The following GRIP1 variants were observed in gnomAD, a reference collection of about 807,000 sequenced individuals.
GRIP1 encodes glutamate receptor interacting protein 1, also known as glutamate receptor-interacting protein 1.
GRIP1 carries 45 observed loss-of-function variants against 129.9 expected under a neutral mutation model. The ratio of observed to expected loss-of-function variants is 0.35; its 90% CI spans 0.27 to 0.44. GRIP1 has a LOEUF of 0.44. Among genes scored for constraint, GRIP1 ranks in the 20% least tolerant of loss-of-function variants. GRIP1 has a pLI of 1.00. For missense variants in GRIP1, 1,196 were observed against 1,396.8 expected (o/e 0.86, Z 2.29); for synonymous variants, 530 against 520.8 (o/e 1.02, Z -0.24).
At chr12:66,708,783 T>TA (rs11404973) in intron 1 of GRIP1, among the ~76,000 whole-genome samples, 59,765 of 151,616 alleles carry the variant, frequency 0.39, 12,153 homozygotes, top group South Asian at 0.52. Context: ...ACCCATCACT[T>TA]ACATTTTAAA....
In GRIP1 at chr12:66,812,227, G is replaced by A. The variant is rs542558250; in HGVS notation, c.59-215300C>T. Among the ~76,000 whole-genome samples, 10 of 152,198 alleles carry A rather than the reference G, an allele frequency of 6.6e-5. No homozygotes were observed. In the South Asian group the frequency reaches 8.3e-4, roughly 13 times the overall value. On this transcript the variant is annotated intron_variant, in intron 1 of 1. Transcript: ENST00000643019. ...TGGCTCACTGCAACTTCCACTTCCC[G>A]GGTTCAAGCAATTCTCCAGCCTCAG...
intron 1 of GRIP1, among the ~76,000 whole-genome samples, chr12:66,718,674 A>C (rs2035966343): frequency 6.6e-6 from 1 of 152,028 alleles, no homozygotes; most frequent in Admixed American, 6.6e-5. Context: ...AACATAGTGA[A>C]ACCCCATCTC....
intron 1 of GRIP1, among the ~76,000 whole-genome samples, chr12:66,789,462 G>C (rs2038458180): frequency 6.6e-6 from 1 of 152,036 alleles, no homozygotes; most frequent in South Asian, 2.1e-4. Context: ...TTATAAGATG[G>C]CTAGAAAGAC....
chr12:66,821,174 A>G (rs570738933), intron 1 of GRIP1, among the ~76,000 whole-genome samples: 28 of 152,328 alleles, frequency 1.8e-4, no homozygotes, highest in South Asian at 1.2e-3. Context: ...ACTCCAAAAT[A>G]TAAATTCTAT....
At chr12:67,026,548 G>A (rs777060583) in intron 1 of GRIP1, among the ~76,000 whole-genome samples, 4 of 152,164 alleles carry the variant, frequency 2.6e-5, no homozygotes, top group Non-Finnish European at 4.4e-5. Context: ...ATCAATAAAT[G>A]TTAGCTCCTG....
intron 7 of GRIP1, among the ~76,000 whole-genome samples, chr12:66,481,151 T>A (rs1384541731): frequency 6.7e-6 from 1 of 148,888 alleles, no homozygotes; most frequent in Admixed American, 6.7e-5. Context: ...ATCATCAGAG[T>A]GAAGAGGCAA....
At position 66,726,508 on chromosome 12, in the gene GRIP1, C is replaced by A. The variant is rs573199678; in HGVS notation, c.-420+77545G>T. Among the ~76,000 whole-genome samples, 336 of 152,180 alleles carry A rather than the reference C, an allele frequency of 2.2e-3. 1 individual carries two copies. The highest frequency in any genetic ancestry group is 7.6e-3 in the African/African-American group (316 of 41,530). On this transcript the variant is annotated intron_variant, in intron 1 of 4. Transcript: ENST00000538373. ...AACAAAACAAACACAACAACAACAA[C>A]AAAAAACAAACAACTTTAATTCTTG... is the stretch of plus-strand genomic sequence containing the variant.
intron 1 of GRIP1, among the ~76,000 whole-genome samples, chr12:67,035,021 C>T (rs1365174084): frequency 6.6e-6 from 1 of 152,192 alleles, no homozygotes; most frequent in Non-Finnish European, 1.5e-5. Flanking sequence ...CATGTGATAA[C>T]AACATGACCC....
At chr12:66,772,880 A>T (rs1292554235) in intron 1 of GRIP1, among the ~76,000 whole-genome samples, 1 of 152,198 alleles carries the variant, frequency 6.6e-6, no homozygotes, top group Non-Finnish European at 1.5e-5. Flanking sequence ...GCCTGAGCAC[A>T]AGCTGGTAGC....
intron 1 of GRIP1, among the ~76,000 whole-genome samples, chr12:66,660,979 T>C (rs1298526281): frequency 2.0e-5 from 3 of 152,074 alleles, no homozygotes; most frequent in Non-Finnish European, 4.4e-5. Flanking sequence ...TTCTAGGATA[T>C]AAATAGTTAT....
At chr12:66,764,356 C>G (rs1337581252) in intron 1 of GRIP1, among the ~76,000 whole-genome samples, 1 of 152,184 alleles carries the variant, frequency 6.6e-6, no homozygotes, top group East Asian at 1.9e-4. Context: ...TGGATCATCA[C>G]GTTCATATCA....
chr12:66,377,713 G>C (rs1346130493), intron 20 of GRIP1, among the ~76,000 whole-genome samples: 2 of 148,858 alleles, frequency 1.3e-5, no homozygotes, highest in African/African-American at 2.5e-5. Context: ...AGTCATTTTG[G>C]ATCTGGCTTT....
At chr12:66,676,780 G>A (rs1284461085) in intron 1 of GRIP1, among the ~76,000 whole-genome samples, 1 of 152,092 alleles carries the variant, frequency 6.6e-6, no homozygotes, top group Non-Finnish European at 1.5e-5. Flanking sequence ...GACCCTAAAA[G>A]AAAGGTCATT....
intron 1 of GRIP1, among the ~76,000 whole-genome samples, chr12:66,605,966 A>G (rs1407499452): frequency 6.6e-6 from 1 of 152,180 alleles, no homozygotes; most frequent in African/African-American, 2.4e-5. Flanking sequence ...TTTGGAGCTA[A>G]GAGCACAGAT....
chr12:66,554,856 G>T (rs2062268222), intron 2 of GRIP1, among the ~76,000 whole-genome samples: 1 of 152,088 alleles, frequency 6.6e-6, no homozygotes, highest in Admixed American at 6.6e-5. Context: ...TTGTGCTTTG[G>T]GTACCAGTTC....
chr12:67,051,555 G>C (rs776218628), intron 1 of GRIP1, among the ~76,000 whole-genome samples: 20 of 152,194 alleles, frequency 1.3e-4, no homozygotes, highest in Non-Finnish European at 2.6e-4. Context: ...CCAGGAAGGG[G>C]TTCCCTGTAT....
intron 2 of GRIP1, chr12:66,568,953 A>T: frequency 1.9e-6 from 1 of 521,202 alleles, no homozygotes. Flanking sequence ...GTTCCCAGGG[A>T]CTAGGTTGAT....
At chr12:66,431,360 G>T (rs1311908503) in intron 14 of GRIP1, among the ~76,000 whole-genome samples, 1 of 152,054 alleles carries the variant, frequency 6.6e-6, no homozygotes, top group Non-Finnish European at 1.5e-5. Flanking sequence ...AGGGTTTGGG[G>T]GGATCTAGGC....
intron 7 of GRIP1, among the ~76,000 whole-genome samples, chr12:66,511,131 G>A (rs1222546592): frequency 9.9e-5 from 15 of 152,176 alleles, no homozygotes; most frequent in Non-Finnish European, 7.4e-5. Flanking sequence ...TGCTATTCTC[G>A]TGATAGTGAA....
Sources: allele counts gnomAD v4.1 joint callset (sites outside exome capture counted in the v4.1 genomes callset), GRCh38; gene constraint gnomAD v4.1.1; transcripts MANE v1.5; gene names NCBI Gene and HGNC (gene_info 2026-07-23, HGNC 2026-07-21).